VARS2: variants seen among roughly 807,000 people sequenced by gnomAD.
VARS2 encodes the protein valine--tRNA ligase, mitochondrial.
A neutral mutation model predicts 154.1 loss-of-function variants in VARS2; 105 were observed. That is an observed-to-expected ratio of 0.68 (90% CI 0.58 to 0.80). The LOEUF (loss-of-function observed/expected upper bound fraction) is 0.80. Among genes scored for constraint, VARS2 ranks in the 30% least tolerant of loss-of-function variants. VARS2 has a pLI of 0.00. For synonymous variants in VARS2, 483 were observed against 539.5 expected (o/e 0.90, Z 1.45); for missense variants, 1,157 against 1,361.4 (o/e 0.85, Z 2.36).
chr6:30,915,798 C>G lies in VARS2; in HGVS notation c.437C>G (p.Pro146Arg). ...ACCTTTTCCATGTGTATCCCACCTC[C>G]CAATGTCACTGGCTCCCTGCACATT... The part of the protein sequence containing the change: ...GETFSMCIPP[P>R]NVTGSLHIGH... The change falls in exon 5 of 30, where the codon CCC (proline) becomes CGC (arginine). Residue 146 changes from proline (P) to arginine (R), a missense_variant. Physicochemically the swap from Pro to Arg is moderately radical, Grantham distance 103 (BLOSUM62 -2). Coordinates refer to ENST00000676266, the MANE Select transcript of VARS2 (RefSeq NM_020442.6). The G allele has an allele frequency of 6.2e-7, 1 of 1,614,068 alleles. No individual in the cohort carries two copies. The highest frequency in any genetic ancestry group is 8.5e-7 in the Non-Finnish European group (1 of 1,180,042).
chr6:30,915,118 T>C, intron 2 of VARS2, 38 bp from the exon 3 acceptor site: 5 of 1,611,678 alleles, frequency 3.1e-6, no homozygotes, highest in Non-Finnish European at 3.4e-6. Context: ...CAGTCTGGGG[T>C]ATACTGGATC....
intron 19 of VARS2, 58 bp downstream of exon 19, chr6:30,922,053 G>A (rs1271614282): frequency 6.8e-6 from 11 of 1,612,766 alleles, no homozygotes; most frequent in Non-Finnish European, 9.3e-6. Flanking sequence ...GGATGGCTGG[G>A]CCCCCACAGA....
In VARS2 at chr6:30,922,876, C is replaced by T. The variant is rs758376025; in HGVS notation, c.2107-22C>T. ...TGCAGCCACAAAGGCATCTGCCACCCTTCTTCTTCCTCTGGTTGCAGAAAA... is the reference window on the plus strand; with the variant it reads ...TGCAGCCACAAAGGCATCTGCCACCTTTCTTCTTCCTCTGGTTGCAGAAAA... On this transcript the variant is annotated intron_variant, in intron 22 of 29. Coordinates refer to ENST00000676266, the MANE Select transcript of VARS2 (RefSeq NM_020442.6). 1.9e-6 allele frequency: 3 copies of T among 1,569,298 alleles called. No individual in the cohort carries two copies. In the African/African-American group the frequency reaches 4.0e-5, roughly 21 times the overall value.
At position 30,923,358 on chromosome 6, in the gene VARS2, T is replaced by A; in HGVS notation, c.2319T>A (p.Ser773=). ...CCTGCCCCCTCTGCCTGCAGCTGTC[T>A]CCCTCCTCCCCGATGGATGCCTGGA... ...KFVPQPAEEL[S]PSSPMDAWIL... is the part of the protein sequence containing the mutation. Residue 773 remains serine, a synonymous_variant, in exon 25 of 30, where the codon TCT becomes TCA. Coordinates refer to ENST00000676266, the MANE Select transcript of VARS2 (RefSeq NM_020442.6). 1 of 1,609,446 alleles carries A rather than the reference T, an allele frequency of 6.2e-7. No individual in the cohort carries two copies. The highest frequency in any genetic ancestry group is 2.2e-5 in the East Asian group (1 of 44,758).
intron 29 of VARS2, 27 bp downstream of exon 29, chr6:30,926,035 G>A: frequency 6.2e-7 from 1 of 1,612,994 alleles, no homozygotes; most frequent in Non-Finnish European, 8.5e-7. Flanking sequence ...CCCCCAGAAG[G>A]CTCCACCCCT....
At chr6:30,923,549 T>C in intron 25 of VARS2, 44 bp downstream of exon 25, 3 of 1,582,850 alleles carry the variant, frequency 1.9e-6, no homozygotes, top group Non-Finnish European at 2.6e-6. Flanking sequence ...TGCCTGCTTC[T>C]AATTCCTCTG....
chr6:30,923,530 G>T, intron 25 of VARS2, 25 bp downstream of exon 25: 1 of 1,598,860 alleles, frequency 6.3e-7, no homozygotes. Flanking sequence ...GGGAGGCTTG[G>T]TATTCCCATG....
chr6:30,921,365 C>A lies in VARS2; in HGVS notation c.1632+60C>A. On this transcript the variant is annotated intron_variant, in intron 17 of 29. Transcript: ENST00000676266. This position sits in a 1 kb window ranked among gnomAD's most constrained non-coding sequence, Gnocchi z 4.6. ...GGCACAGAGCACCTAGCCCAGGAGT[C>A]AGAGCTCCGCAGGGCCAAGTCCCGC... The A allele has an allele frequency of 6.3e-7, 1 of 1,596,800 alleles. No homozygotes were observed. Among genetic ancestry groups the A allele is most frequent in the South Asian group, 1.1e-5 (1 of 90,456 alleles).
intron 26 of VARS2, among the ~76,000 whole-genome samples, chr6:30,924,979 T>C (rs1432813401): frequency 6.6e-6 from 1 of 152,240 alleles, no homozygotes; most frequent in East Asian, 1.9e-4. Context: ...ACTATTTAAA[T>C]TTATACTTAT....
chr6:30,925,576 GGCCTCTTCGAGGCCTT>G lies in VARS2; in HGVS notation c.2819_2834del (p.Gly940AlafsTer55). On this transcript the variant is annotated frameshift_variant, in exon 28 of 30. Coordinates refer to ENST00000676266, the MANE Select transcript of VARS2 (RefSeq NM_020442.6). LOFTEE classifies it high-confidence loss of function. ...GCAGAGCTCAGAGCCTGGGGACCAG[GGCCTCTTCGAGGCCTT>G]CTTGGAGCCCCTGGGCACCCTGGGC... 1 of 1,604,574 alleles carries G rather than the reference GGCCTCTTCGAGGCCTT, an allele frequency of 6.2e-7. No individual in the cohort carries two copies. Among genetic ancestry groups the G allele is most frequent in the Non-Finnish European group, 8.5e-7 (1 of 1,177,166 alleles).
rs999060114 is a variant in VARS2, at chr6:30,919,258, G to A, written c.1074+343G>A. The A allele has an allele frequency of 2.6e-4, 59 of 228,080 alleles. 1 individual carries two copies. Among genetic ancestry groups the A allele is most frequent in the Admixed American group, 1.3e-3 (24 of 18,642 alleles). 14.1% of individuals were successfully genotyped at this position (228,080 alleles called of 1,614,324 possible). On this transcript the variant is annotated intron_variant, in intron 11 of 29. Coordinates refer to ENST00000676266, the MANE Select transcript of VARS2 (RefSeq NM_020442.6). This position sits in a 1 kb window ranked among gnomAD's most constrained non-coding sequence, Gnocchi z 4.5. ...CTCAGCCTCCTGAGTAGCTGGGAGC[G>A]TGGCACCATGCCCGGCACGTGCCAC...
chr6:30,914,310 CGCGGGGCGCCCTGGGATAGCG>C lies in VARS2; in HGVS notation c.-54_-34del, dbSNP rs1046081397. ...TGGTGGATTCCTCAGTCCCTGCCGC[CGCGGGGCGCCCTGGGATAGCG>C]GCGGGGCCTCCTGGTGAGCGCGCGC... is the stretch of plus-strand genomic sequence containing the variant. On this transcript the variant is annotated 5_prime_UTR_variant, in exon 1 of 30. Coordinates refer to ENST00000676266, the MANE Select transcript of VARS2 (RefSeq NM_020442.6). The C allele has an allele frequency of 8.8e-7, 1 of 1,142,414 alleles. No individual in the cohort carries two copies. The allele number at this position is 1,142,414 out of a possible 1,614,324, so 70.8% of individuals were successfully genotyped here. A position where few individuals can be genotyped will look rare whatever the true frequency, so the allele number is the denominator to read the frequency against.
At position 30,919,681 on chromosome 6, in the gene VARS2, T is replaced by A. The variant is rs1794384538; in HGVS notation, c.1075-77T>A. 8.7e-7 allele frequency: 1 copy of A among 1,155,506 alleles called. No individual in the cohort carries two copies. The highest frequency in any genetic ancestry group is 1.2e-6 in the Non-Finnish European group (1 of 853,392). 71.6% of individuals were successfully genotyped at this position (1,155,506 alleles called of 1,614,324 possible). A position where few individuals can be genotyped will look rare whatever the true frequency, so the allele number is the denominator to read the frequency against. Reference sequence around the variant, plus strand: ...CTTCCACTTTCTACCTTCTTATTCCTGGGGTTCTCACGCCCCAGCCCAGAC... The same window carrying A: ...CTTCCACTTTCTACCTTCTTATTCCAGGGGTTCTCACGCCCCAGCCCAGAC... On this transcript the variant is annotated intron_variant, in intron 11 of 29. Transcript: ENST00000676266. The surrounding 1 kb of genome is among the most constrained non-coding windows in gnomAD (Gnocchi z 4.5).
At chr6:30,925,440 G>A in intron 27 of VARS2, 55 bp downstream of exon 27, 1 of 1,578,954 alleles carries the variant, frequency 6.3e-7, no homozygotes, top group Middle Eastern at 1.8e-4. Flanking sequence ...GGGCTGGTGG[G>A]GAAAAGAGCA....
Position 30,922,917 on chromosome 6 carries a change from G to A in VARS2, c.2126G>A (p.Gly709Glu). Residue 709 changes from glycine (G) to glutamate (E), a missense_variant, in exon 23 of 30, where the codon GGG becomes GAG. Physicochemically the swap from Gly to Glu is moderately conservative, Grantham distance 98 (BLOSUM62 -2). Coordinates refer to ENST00000676266, the MANE Select transcript of VARS2 (RefSeq NM_020442.6). ...AAAQKKDFPH[G>E]IPECGTDALR... ...TTGCAGAAAAAGGACTTTCCTCACGGGATCCCTGAGTGTGGGACAGATGCC... is the reference window on the plus strand; with the variant it reads ...TTGCAGAAAAAGGACTTTCCTCACGAGATCCCTGAGTGTGGGACAGATGCC... The A allele has an allele frequency of 2.5e-6, 4 of 1,608,220 alleles. No individual in the cohort carries two copies. Among genetic ancestry groups the A allele is most frequent in the Non-Finnish European group, 8.5e-7 (1 of 1,176,760 alleles).
At position 30,916,905 on chromosome 6, in the gene VARS2, G is replaced by A. The variant is rs776998297; in HGVS notation, c.699G>A (p.Leu233=). The part of the protein sequence containing the change: ...EAKGGEICEQ[L]RALGASLDWD... ...AAGGTGGAGAGATCTGTGAGCAGCTGCGAGCTCTGGGTGCCTCCCTGGACT... is the reference window on the plus strand; with the variant it reads ...AAGGTGGAGAGATCTGTGAGCAGCTACGAGCTCTGGGTGCCTCCCTGGACT... Residue 233 remains leucine (L), a synonymous_variant, in exon 8 of 30, where the codon CTG becomes CTA. Transcript: ENST00000676266. The surrounding 1 kb of genome is among the most constrained non-coding windows in gnomAD (Gnocchi z 4.0). 11 of 1,614,076 alleles carry A rather than the reference G, an allele frequency of 6.8e-6. No homozygotes were observed. Among genetic ancestry groups the A allele is most frequent in the Non-Finnish European group, 7.6e-6 (9 of 1,180,046 alleles).
chr6:30,921,462 A>G lies in VARS2; in HGVS notation c.1633-127A>G. On this transcript the variant is annotated intron_variant, in intron 17 of 29. Transcript: ENST00000676266. The surrounding 1 kb of genome is among the most constrained non-coding windows in gnomAD (Gnocchi z 4.6). Reference sequence around the variant, plus strand: ...CGCGATCAAGGCTCCCTGAAGTGGCATTTCTTTATCTCACCCCTGGGGGAA... The same window carrying G: ...CGCGATCAAGGCTCCCTGAAGTGGCGTTTCTTTATCTCACCCCTGGGGGAA... The G allele has an allele frequency of 1.4e-6, 2 of 1,420,486 alleles. No homozygotes were observed. Among genetic ancestry groups the G allele is most frequent in the Non-Finnish European group, 1.9e-6 (2 of 1,029,160 alleles). The allele number at this position is 1,420,486 out of a possible 1,614,324, so 88.0% of individuals were successfully genotyped here.
chr6:30,924,014 A>G, intron 25 of VARS2: 1 of 421,966 alleles, frequency 2.4e-6, no homozygotes, highest in Non-Finnish European at 4.3e-6. Flanking sequence ...TCTTGTCCCA[A>G]GTGGTGCTGC....
At chr6:30,926,045 T>C in intron 29 of VARS2, 37 bp downstream of exon 29, 1 of 1,612,952 alleles carries the variant, frequency 6.2e-7, no homozygotes, top group South Asian at 1.1e-5. Flanking sequence ...GCTCCACCCC[T>C]GAGGGAATGT....
Sources: gnomAD v4.1 joint callset for allele counts (sites outside exome capture counted in the v4.1 genomes callset) on GRCh38, gnomAD v4.1.1 for gene constraint, Gnocchi (gnomAD v3.1) non-coding constraint, MANE v1.5 for transcripts, NCBI Gene and HGNC (gene_info 2026-07-23, HGNC 2026-07-21) for gene names.